ATP11C: variants seen among roughly 807,000 people sequenced by gnomAD.
The protein encoded by ATP11C is phospholipid-transporting ATPase IG.
A neutral mutation model predicts 97.4 loss-of-function variants in ATP11C; 36 were observed. That is an observed-to-expected ratio of 0.37 (90% CI 0.28 to 0.49). The LOEUF is 0.49. Among genes scored for constraint, ATP11C ranks in the 20% least tolerant of loss-of-function variants. The pLI, the probability that ATP11C is intolerant of heterozygous loss-of-function variation, is 0.98. For synonymous variants in ATP11C, 275 were observed against 290.9 expected (o/e 0.95, Z 0.56); for missense variants, 730 against 824.6 (o/e 0.89, Z 1.40).
chrX:139,826,831 A>G lies in ATP11C; in HGVS notation c.28-8T>C. ...TTTCTCTTCTCCAGCACACTGACCA[A>G]GAGAAAAGGGAAAAAATTCAGTTTT... On this transcript the variant is annotated splice_region_variant and splice_polypyrimidine_tract_variant and intron_variant, in intron 1 of 29. Coordinates refer to ENST00000682941, the MANE Select transcript of ATP11C (RefSeq NM_001353812.2). 1 of 1,197,373 alleles carries G rather than the reference A, an allele frequency of 8.4e-7. No individual in the cohort carries two copies. The highest frequency in any genetic ancestry group is 1.1e-6 in the Non-Finnish European group (1 of 887,821).
At chrX:139,823,677 G>A (rs1379101547) in intron 2 of ATP11C, among the ~76,000 whole-genome samples, 1 of 112,045 alleles carries the variant, frequency 8.9e-6, no homozygotes, top group Non-Finnish European at 1.9e-5. Flanking sequence ...AAATAAAGTA[G>A]TAGATATTTA....
upstream of ATP11C, among the ~76,000 whole-genome samples, chrX:139,934,454 ATAT>A (rs1374873020): frequency 5.4e-5 from 6 of 110,665 alleles, no homozygotes; most frequent in African/African-American, 1.3e-4. Flanking sequence ...TATTAATCAG[ATAT>A]TATGATATTT....
Position 139,760,062 on chromosome X carries a change from C to T in ATP11C, c.2640+1899G>A, listed in dbSNP as rs1372499092. ...TTACTGGGTGCAAGGCCCAAAAGACCCTAACTGTGACACATAAAAAGTCCT... is the reference window on the plus strand; with the variant it reads ...TTACTGGGTGCAAGGCCCAAAAGACTCTAACTGTGACACATAAAAAGTCCT... On this transcript the variant is annotated intron_variant, in intron 22 of 29. Coordinates refer to ENST00000682941, the MANE Select transcript of ATP11C (RefSeq NM_001353812.2). Among the ~76,000 whole-genome samples the T allele has an allele frequency of 7.2e-5, 8 of 111,452 alleles. 1 individual carries two copies. The highest frequency in any genetic ancestry group is 1.1e-4 in the Non-Finnish European group (6 of 53,094).
intron 1 of ATP11C, among the ~76,000 whole-genome samples, chrX:139,896,601 T>TC (rs2084811686): frequency 9.8e-6 from 1 of 102,434 alleles, no homozygotes; most frequent in Non-Finnish European, 2.0e-5. Context: ...ACACTTTTTT[T>TC]CCCTTTCTTG....
chrX:139,731,987 A>T lies in ATP11C; in HGVS notation c.3289-232T>A, dbSNP rs1033276691. ...GTTTTTGTGGTAGAAGTAAACAGAC[A>T]ACAGTAGTATGTAGTAAACTTGGGT... On this transcript the variant is annotated intron_variant, in intron 28 of 29. Transcript: ENST00000682941. 2.7e-5 allele frequency among the ~76,000 whole-genome samples: 3 copies of T among 111,965 alleles called. No individual in the cohort carries two copies. In the Admixed American group the frequency reaches 2.8e-4, roughly 11 times the overall value.
chrX:139,933,514 TC>T (rs1463767898), upstream of ATP11C, among the ~76,000 whole-genome samples: 1 of 112,467 alleles, frequency 8.9e-6, no homozygotes, highest in Non-Finnish European at 1.9e-5. Context: ...AGGCTGGGCA[TC>T]CCTCCCAACT....
chrX:139,766,822 T>C (rs1971110934), intron 20 of ATP11C, among the ~76,000 whole-genome samples: 1 of 111,884 alleles, frequency 8.9e-6, no homozygotes, highest in Non-Finnish European at 1.9e-5. Context: ...GTGAGGCAAT[T>C]TGGACTGGAG....
At chrX:139,832,986 C>T (rs1369229348) in intron 1 of ATP11C, among the ~76,000 whole-genome samples, 1 of 112,173 alleles carries the variant, frequency 8.9e-6, no homozygotes, top group Non-Finnish European at 1.9e-5. Flanking sequence ...CTTTCTAGAT[C>T]ACCACAGAAG....
chrX:139,806,172 C>T (rs149185226), intron 5 of ATP11C, among the ~76,000 whole-genome samples: 1 of 111,328 alleles, frequency 9.0e-6, no homozygotes, highest in Non-Finnish European at 1.9e-5. Context: ...CTCAGACTGA[C>T]AAGATGGGTA....
chrX:139,761,462 A>G (rs776581516), intron 22 of ATP11C, among the ~76,000 whole-genome samples: 148 of 111,615 alleles, frequency 1.3e-3, no homozygotes, highest in Non-Finnish European at 2.6e-3. Context: ...ATGCTTATAG[A>G]CAATTAGAAA....
At chrX:139,792,036 T>C (rs913270295) in intron 12 of ATP11C, among the ~76,000 whole-genome samples, 3 of 110,254 alleles carry the variant, frequency 2.7e-5, no homozygotes, top group Non-Finnish European at 5.7e-5. Context: ...AGCTTCAGGA[T>C]GAGTGCAGGT....
intron 1 of ATP11C, among the ~76,000 whole-genome samples, chrX:139,841,237 C>T (rs1041970688): frequency 1.8e-5 from 2 of 112,307 alleles, no homozygotes; most frequent in African/African-American, 3.2e-5. Context: ...ATGTAATCAA[C>T]GGCACTATTT....
rs1603391605 is a variant in ATP11C at position 139,826,638 on chromosome X, G to A, written c.147+66C>T. 1.2e-5 allele frequency: 12 copies of A among 1,017,960 alleles called. No homozygotes were observed. The East Asian group carries it at 4.0e-4, about 34-fold the overall frequency. 83.9% of individuals were successfully genotyped at this position (1,017,960 alleles called of 1,213,427 possible). ...CATAAATGCATCAGTTTCCTCAGAA[G>A]CACAAATTAGAATGCATTATCTGAT... On this transcript the variant is annotated intron_variant, in intron 2 of 29. Transcript: ENST00000682941.
In ATP11C at chrX:139,814,284, G is replaced by C. The variant is rs745715661; in HGVS notation, c.426+594C>G. On this transcript the variant is annotated intron_variant, in intron 5 of 29. Transcript: ENST00000682941. The stretch of plus-strand genomic sequence containing the variant: ...TACTACCTTGGAAGTCTCTTATGTT[G>C]CTGATGGGAATGTAAAATGGTACAG... Among the ~76,000 whole-genome samples, 215 of 110,968 alleles carry C rather than the reference G, an allele frequency of 1.9e-3. 1 individual carries two copies. Among genetic ancestry groups the C allele is most frequent in the African/African-American group, 6.8e-3 (208 of 30,638 alleles).
At position 139,909,694 on chromosome X, in the gene ATP11C, G is replaced by C. The variant is rs772900387; in HGVS notation, c.27+22322C>G. 2.8e-4 allele frequency among the ~76,000 whole-genome samples: 31 copies of C among 111,735 alleles called. 1 individual carries two copies. Among genetic ancestry groups the C allele is most frequent in the Non-Finnish European group, 5.3e-4 (28 of 53,199 alleles). On this transcript the variant is annotated intron_variant, in intron 1 of 29. Transcript: ENST00000682941. ...GTTACCACTGGGGAGAAATTGGGTA[G>C]AGTACGTGGGATCTCTCTGCATTTT...
chrX:139,761,807 C>T (rs1463359751), intron 22 of ATP11C, among the ~76,000 whole-genome samples, 154 bp downstream of exon 22: 1 of 109,658 alleles, frequency 9.1e-6, no homozygotes, highest in Admixed American at 9.8e-5. Flanking sequence ...GTTTCTGATT[C>T]ATCCAATAGA....
At chrX:139,777,595 A>G (rs1400095390) in intron 18 of ATP11C, among the ~76,000 whole-genome samples, 3 of 111,544 alleles carry the variant, frequency 2.7e-5, no homozygotes, top group Non-Finnish European at 5.6e-5. Context: ...CATGTAAAAT[A>G]TATTTGGGGA....
At chrX:139,839,652 C>A (rs185939876) in intron 1 of ATP11C, among the ~76,000 whole-genome samples, 1,232 of 111,606 alleles carry the variant, frequency 0.011, 17 homozygotes, top group African/African-American at 0.038. Flanking sequence ...TGAGGGCTAA[C>A]CTAGCTAGGA....
Position 139,728,086 on chromosome X carries a change from G to A in ATP11C, c.*880C>T, listed in dbSNP as rs1412725314. The A allele has an allele frequency of 8.9e-6, 1 of 111,887 alleles. No homozygotes were observed. 9.2% of individuals were successfully genotyped at this position (111,887 alleles called of 1,213,427 possible). A position where few individuals can be genotyped will look rare whatever the true frequency, so the allele number is the denominator to read the frequency against. ...ATTATAAAAGGCTGATATTCAGAAT[G>A]ACCTTTATTTTTATATAACTATGGT... On this transcript the variant is annotated 3_prime_UTR_variant, in exon 30 of 30. Coordinates refer to ENST00000682941, the MANE Select transcript of ATP11C (RefSeq NM_001353812.2).
Sources: allele counts gnomAD v4.1 joint callset (sites outside exome capture counted in the v4.1 genomes callset), GRCh38; gene constraint gnomAD v4.1.1; transcripts MANE v1.5; gene names NCBI Gene and HGNC (gene_info 2026-07-23, HGNC 2026-07-21).